SESN1: variants seen among roughly 807,000 people sequenced by gnomAD.
The protein encoded by SESN1 is sestrin 1.
Under a neutral mutation model 59.3 loss-of-function variants are expected in SESN1, and 30 were observed. That is an observed-to-expected ratio of 0.51 (90% confidence interval 0.38 to 0.69). The LOEUF is 0.69. SESN1 is among the 30% of genes least tolerant of loss of function. SESN1 has a pLI of 0.00. For missense variants in SESN1, 566 were observed against 673.0 expected, an observed-to-expected ratio of 0.84 and a Z score of 1.76; for synonymous variants, 197 against 219.9, an observed-to-expected ratio of 0.90 and a Z score of 0.92.
intron 1 of SESN1, among the ~76,000 whole-genome samples, chr6:109,016,390 C>A (rs1779927562): frequency 6.6e-6 from 1 of 152,142 alleles, no homozygotes; most frequent in South Asian, 2.1e-4. Flanking sequence ...CTACTCAGTT[C>A]CTTTTTGATA....
At chr6:108,989,190 A>T (rs1779288715) in intron 8 of SESN1, among the ~76,000 whole-genome samples, 1 of 152,012 alleles carries the variant, frequency 6.6e-6, no homozygotes, top group Non-Finnish European at 1.5e-5. Context: ...TTTAGTAGAG[A>T]CAGGGTATCA....
intron 1 of SESN1, among the ~76,000 whole-genome samples, chr6:109,050,249 G>C (rs1330225567): frequency 6.6e-6 from 1 of 152,148 alleles, no homozygotes; most frequent in African/African-American, 2.4e-5. Context: ...TTCAAAGACT[G>C]ACCAATTGTG....
intron 1 of SESN1, among the ~76,000 whole-genome samples, chr6:109,012,970 G>T (rs532198407): frequency 1.4e-4 from 22 of 152,056 alleles, no homozygotes; most frequent in African/African-American, 5.3e-4. Context: ...AAAAAAATTA[G>T]CTGGGCGTGG....
At chr6:109,050,767 C>A (rs1451156430) in intron 1 of SESN1, among the ~76,000 whole-genome samples, 1 of 152,120 alleles carries the variant, frequency 6.6e-6, no homozygotes, top group East Asian at 1.9e-4. Flanking sequence ...TTTTAGTAAT[C>A]ATAAGGAATT....
At chr6:109,012,105 C>T (rs552250429) in intron 1 of SESN1, among the ~76,000 whole-genome samples, 23 of 152,334 alleles carry the variant, frequency 1.5e-4, no homozygotes, top group Non-Finnish European at 2.1e-4. Context: ...ATGCGATAAA[C>T]ATCTGCTGAA....
chr6:109,040,560 A>T (rs1037794091), intron 1 of SESN1, among the ~76,000 whole-genome samples: 4 of 152,174 alleles, frequency 2.6e-5, no homozygotes, highest in African/African-American at 9.7e-5. Flanking sequence ...CACTACAATG[A>T]TTAAATTAAA....
chr6:109,020,159 T>C (rs185326681), intron 1 of SESN1, among the ~76,000 whole-genome samples: 2 of 152,206 alleles, frequency 1.3e-5, no homozygotes, highest in Non-Finnish European at 1.5e-5. Flanking sequence ...CTGCTCCAGA[T>C]ACCGGTGAGG....
chr6:109,040,657 CTTT>C (rs34916346), intron 1 of SESN1, among the ~76,000 whole-genome samples: 3 of 142,084 alleles, frequency 2.1e-5, no homozygotes. Context: ...CTAGCATAAT[CTTT>C]TTTTTTTTTT....
intron 1 of SESN1, among the ~76,000 whole-genome samples, chr6:109,002,848 A>G (rs1171401129): frequency 2.6e-5 from 4 of 152,244 alleles, no homozygotes; most frequent in African/African-American, 9.6e-5. Flanking sequence ...CTAAATTCAC[A>G]AGAGACAGCA....
At chr6:109,089,868 T>G (rs1301013678) in intron 1 of SESN1, among the ~76,000 whole-genome samples, 1 of 152,206 alleles carries the variant, frequency 6.6e-6, no homozygotes. Flanking sequence ...TGTCATAGGC[T>G]AGTAGGACAA....
intron 1 of SESN1, among the ~76,000 whole-genome samples, chr6:109,007,254 C>T (rs1056574922): frequency 1.3e-5 from 2 of 152,098 alleles, no homozygotes; most frequent in African/African-American, 4.8e-5. Flanking sequence ...CTGTATGAAT[C>T]AATGTTTGTG....
chr6:109,090,007 G>A (rs1781285584), intron 1 of SESN1, among the ~76,000 whole-genome samples: 1 of 152,126 alleles, frequency 6.6e-6, no homozygotes, highest in African/African-American at 2.4e-5. Flanking sequence ...TTATTTCTAT[G>A]ATAAAGTCCA....
At chr6:109,066,643 G>A (rs779715090) in intron 1 of SESN1, among the ~76,000 whole-genome samples, 22 of 152,036 alleles carry the variant, frequency 1.4e-4, no homozygotes, top group African/African-American at 2.9e-4. Flanking sequence ...TGTGTGATAC[G>A]AAGTAGAAAA....
chr6:109,041,651 T>C (rs565792068), intron 1 of SESN1, among the ~76,000 whole-genome samples: 2 of 151,928 alleles, frequency 1.3e-5, no homozygotes, highest in Admixed American at 6.6e-5. Flanking sequence ...CAAGAATATA[T>C]AGCAATACCC....
chr6:109,052,153 A>G (rs1056719634), intron 1 of SESN1, among the ~76,000 whole-genome samples: 1 of 152,238 alleles, frequency 6.6e-6, no homozygotes, highest in Non-Finnish European at 1.5e-5. Context: ...AAAATTCAAC[A>G]AAGAAAGGAA....
At chr6:109,059,395 A>T (rs1306752473) in intron 1 of SESN1, 1 of 152,166 alleles carries the variant, frequency 6.6e-6, no homozygotes, top group Non-Finnish European at 1.5e-5. Flanking sequence ...CTAACATGAC[A>T]TGGATTGCTA....
At chr6:109,079,194 G>A (rs201220563) in intron 1 of SESN1, among the ~76,000 whole-genome samples, 95 of 143,936 alleles carry the variant, frequency 6.6e-4, no homozygotes, top group Non-Finnish European at 7.9e-4. Flanking sequence ...GTGCTAAACT[G>A]AAAAAAAAAA....
Position 109,016,099 on chromosome 6 carries a change from T to C in SESN1, c.280-13756A>G, listed in dbSNP as rs535405884. On this transcript the variant is annotated intron_variant, in intron 1 of 9. Coordinates refer to ENST00000436639, the MANE Select transcript of SESN1 (RefSeq NM_014454.3). Reference sequence around the variant, plus strand: ...GAACTGAACTAATCCCATTTAACCATAGGATTTTTACCCGTGGTTAAAATG... The same window carrying C: ...GAACTGAACTAATCCCATTTAACCACAGGATTTTTACCCGTGGTTAAAATG... 3.4e-4 allele frequency among the ~76,000 whole-genome samples: 52 copies of C among 152,320 alleles called. No individual in the cohort carries two copies. The South Asian group carries it at 3.5e-3, about 10-fold the overall frequency.
At chr6:109,075,578 A>G (rs1781018652) in intron 1 of SESN1, among the ~76,000 whole-genome samples, 1 of 152,196 alleles carries the variant, frequency 6.6e-6, no homozygotes, top group Non-Finnish European at 1.5e-5. Flanking sequence ...TGAGGCCCTC[A>G]ATCCATTAGC....
Sources: gnomAD v4.1 joint callset for allele counts (sites outside exome capture counted in the v4.1 genomes callset) on GRCh38, gnomAD v4.1.1 for gene constraint, MANE v1.5 for transcripts, NCBI Gene and HGNC (gene_info 2026-07-23, HGNC 2026-07-21) for gene names.